BAALC: variants seen among roughly 807,000 people sequenced by gnomAD.
The protein encoded by BAALC is BAALC binder of MAP3K1 and KLF4.
Under a neutral mutation model 15.5 loss-of-function variants are expected in BAALC, and 9 were observed. That is an observed-to-expected ratio of 0.58 (90% CI 0.35 to 1.02). BAALC has a LOEUF of 1.02. Among genes scored for constraint, BAALC ranks in the 50% least tolerant of loss-of-function variants. BAALC has a pLI of 0.02. For missense variants in BAALC, 201 were observed against 192.4 expected (o/e 1.04, Z -0.27); for synonymous variants, 80 against 74.6 (o/e 1.07, Z -0.37).
At chr8:103,170,580 A>AT in intron 1 of BAALC, among the ~76,000 whole-genome samples, 1 of 152,304 alleles carries the variant, frequency 6.6e-6, no homozygotes. Flanking sequence ...AACACTACGG[A>AT]CTGTCCACAG....
chr8:103,182,721 C>T (rs566977544), intron 1 of BAALC, among the ~76,000 whole-genome samples: 378 of 152,286 alleles, frequency 2.5e-3, no homozygotes, highest in Non-Finnish European at 4.6e-3. Flanking sequence ...CTGCATGAAT[C>T]CCAAGATACT....
chr8:103,199,666 T>A (rs1422583291), intron 1 of BAALC, among the ~76,000 whole-genome samples: 2 of 152,150 alleles, frequency 1.3e-5, no homozygotes, highest in Non-Finnish European at 2.9e-5. Flanking sequence ...TTTTTTTTTT[T>A]AACTTTTAAG....
intron 1 of BAALC, among the ~76,000 whole-genome samples, chr8:103,209,503 G>A (rs1210009131): frequency 6.6e-6 from 1 of 152,170 alleles, no homozygotes; most frequent in Non-Finnish European, 1.5e-5. Context: ...AGGAAATGGA[G>A]TCTCTACCTT....
intron 1 of BAALC, among the ~76,000 whole-genome samples, chr8:103,169,454 A>G (rs1811428163): frequency 6.6e-6 from 1 of 152,098 alleles, no homozygotes; most frequent in African/African-American, 2.4e-5. Context: ...CTGGTCCTGA[A>G]CTGTTGGCTT....
intron 2 of BAALC, among the ~76,000 whole-genome samples, chr8:103,218,212 C>A (rs1433650583): frequency 1.3e-5 from 2 of 152,142 alleles, no homozygotes; most frequent in East Asian, 3.9e-4. Flanking sequence ...TCCAATCCCC[C>A]CGCCTTATGC....
chr8:103,147,639 C>A lies in BAALC; in HGVS notation c.160+6582C>A, dbSNP rs151007018. Among the ~76,000 whole-genome samples, 304 of 152,268 alleles carry A rather than the reference C, an allele frequency of 2.0e-3. 2 individuals carry two copies. The highest frequency in any genetic ancestry group is 3.5e-3 in the Non-Finnish European group (237 of 68,006). On this transcript the variant is annotated intron_variant, in intron 1 of 2. Coordinates refer to ENST00000309982, the MANE Select transcript of BAALC (RefSeq NM_024812.3). ...GTGCACCTGTGATCCATAGCATCTT[C>A]CTGCTGATAAGGCCATTCTGCCCTT... is the stretch of plus-strand genomic sequence containing the variant.
chr8:103,204,776 CA>C (rs1812292464), intron 1 of BAALC, among the ~76,000 whole-genome samples: 1 of 152,170 alleles, frequency 6.6e-6, no homozygotes, highest in Non-Finnish European at 1.5e-5. Flanking sequence ...AATAGCCATG[CA>C]AAAGGTCACA....
intron 1 of BAALC, among the ~76,000 whole-genome samples, chr8:103,196,023 T>C (rs1812088210): frequency 6.6e-6 from 1 of 151,970 alleles, no homozygotes; most frequent in African/African-American, 2.4e-5. Flanking sequence ...TAAGTCAAGA[T>C]GGAGAATTAG....
intron 1 of BAALC, among the ~76,000 whole-genome samples, chr8:103,178,284 CT>C (rs1430560794): frequency 6.6e-6 from 1 of 152,148 alleles, no homozygotes; most frequent in African/African-American, 2.4e-5. Flanking sequence ...ATGAAGAATC[CT>C]TGTGGTGATG....
intron 1 of BAALC, among the ~76,000 whole-genome samples, chr8:103,205,223 T>C (rs749905517): frequency 2.6e-5 from 4 of 152,204 alleles, no homozygotes; most frequent in Non-Finnish European, 5.9e-5. Flanking sequence ...TTTTAATTTC[T>C]GTACTCTTCC....
chr8:103,174,809 G>A (rs62527643), intron 1 of BAALC, among the ~76,000 whole-genome samples: 2,636 of 152,244 alleles, frequency 0.017, 27 homozygotes, highest in Non-Finnish European at 0.023. Context: ...AGGGAAGCTG[G>A]GGAACATCTT....
chr8:103,188,541 T>C (rs1471769921), intron 1 of BAALC, among the ~76,000 whole-genome samples: 2 of 152,238 alleles, frequency 1.3e-5, no homozygotes, highest in Non-Finnish European at 1.5e-5. Flanking sequence ...ATGTATCCTT[T>C]TAAAATAATA....
At chr8:103,225,748 A>T (rs1386302345) in intron 2 of BAALC, among the ~76,000 whole-genome samples, 2 of 151,800 alleles carry the variant, frequency 1.3e-5, no homozygotes, top group Non-Finnish European at 2.9e-5. Flanking sequence ...TTCCTGGAGG[A>T]GGTGGCTCCA....
intron 2 of BAALC, among the ~76,000 whole-genome samples, chr8:103,217,138 T>C (rs1014422036): frequency 9.2e-5 from 14 of 152,218 alleles, no homozygotes; most frequent in Admixed American, 7.9e-4. Flanking sequence ...GCTTTTGTTT[T>C]CATAATTAAA....
Position 103,214,597 on chromosome 8 carries a change from C to T in BAALC, c.327+1512C>T, listed in dbSNP as rs377219638. 3.3e-5 allele frequency among the ~76,000 whole-genome samples: 5 copies of T among 152,166 alleles called. No individual in the cohort carries two copies. The East Asian group carries it at 7.7e-4, about 23-fold the overall frequency. Reference sequence around the variant, plus strand: ...GCCTCTCTAAGTTTTGGTCAGAAAACCTGTTGCAAATTCATCTCTAAAGCT... The same window carrying T: ...GCCTCTCTAAGTTTTGGTCAGAAAATCTGTTGCAAATTCATCTCTAAAGCT... On this transcript the variant is annotated intron_variant, in intron 2 of 2. Transcript: ENST00000309982.
chr8:103,198,433 A>T (rs1181913257), intron 1 of BAALC, among the ~76,000 whole-genome samples: 1 of 152,138 alleles, frequency 6.6e-6, no homozygotes, highest in Non-Finnish European at 1.5e-5. Flanking sequence ...GGTGGTAGAA[A>T]TGTTATAGAT....
At chr8:103,158,838 T>A (rs1811160016) in intron 1 of BAALC, among the ~76,000 whole-genome samples, 1 of 152,174 alleles carries the variant, frequency 6.6e-6, no homozygotes, top group South Asian at 2.1e-4. Context: ...TGGACTTTGG[T>A]TGACCACAGG....
chr8:103,146,057 A>G (rs1409615275), intron 1 of BAALC, among the ~76,000 whole-genome samples: 1 of 152,226 alleles, frequency 6.6e-6, no homozygotes, highest in Non-Finnish European at 1.5e-5. Flanking sequence ...ATTTGGCACA[A>G]AGATGACCTG....
intron 1 of BAALC, among the ~76,000 whole-genome samples, chr8:103,193,907 ATGAATTT>A (rs1812031946): frequency 6.6e-6 from 1 of 152,194 alleles, no homozygotes; most frequent in Admixed American, 6.5e-5. Context: ...TTGGGTGAAC[ATGAATTT>A]AAGTCATCAA....
Sources: allele counts gnomAD v4.1 joint callset (sites outside exome capture counted in the v4.1 genomes callset), GRCh38; gene constraint gnomAD v4.1.1; transcripts MANE v1.5; gene names NCBI Gene and HGNC (gene_info 2026-07-23, HGNC 2026-07-21).